PHC2: variants seen among roughly 807,000 people sequenced by gnomAD.
PHC2 encodes the protein polyhomeotic homolog 2.
A neutral mutation model predicts 87.4 loss-of-function variants in PHC2; 29 were observed. The ratio of observed to expected loss-of-function variants is 0.33; its 90% CI spans 0.25 to 0.45. The LOEUF is 0.45. Ranked by LOEUF, PHC2 falls within the 20% of genes least tolerant of loss-of-function variation. PHC2 has a pLI of 1.00. For synonymous variants in PHC2, 438 were observed against 461.7 expected (o/e 0.95, Z 0.66); for missense variants, 857 against 1,136.7 (o/e 0.75, Z 3.54).
intron 7 of PHC2, among the ~76,000 whole-genome samples, chr1:33,357,987 C>G (rs1191463865): frequency 1.3e-5 from 2 of 152,180 alleles, no homozygotes; most frequent in African/African-American, 4.8e-5. Context: ...TACTTGCTGG[C>G]TGTGCGGCCT....
At chr1:33,413,317 A>G (rs1650058773) in intron 1 of PHC2, among the ~76,000 whole-genome samples, 1 of 152,224 alleles carries the variant, frequency 6.6e-6, no homozygotes, top group African/African-American at 2.4e-5. Context: ...GACAACAGAA[A>G]TAATTGGATA....
chr1:33,426,841 A>G lies in PHC2; in HGVS notation c.-55+4135T>C, dbSNP rs117286070. The stretch of plus-strand genomic sequence containing the variant: ...CAGATACCCTCAGGAGGTAGTACAG[A>G]TACCTTCAGGCAGAACTGGGTATAT... On this transcript the variant is annotated intron_variant, in intron 1 of 14. Coordinates refer to ENST00000683057, the MANE Select transcript of PHC2 (RefSeq NM_001385109.1). Among the ~76,000 whole-genome samples the G allele has an allele frequency of 3.3e-5, 5 of 152,310 alleles. No homozygotes were observed. The East Asian group carries it at 9.6e-4, about 29-fold the overall frequency.
At chr1:33,343,487 A>AT (rs1205217484) in intron 9 of PHC2, among the ~76,000 whole-genome samples, 116 of 151,556 alleles carry the variant, frequency 7.7e-4, no homozygotes, top group Admixed American at 1.8e-3. Flanking sequence ...AAAAAAAAAA[A>AT]AAAAGACTCT....
chr1:33,356,275 A>ATATATATATATATATATATATG (rs1222633753), intron 7 of PHC2, among the ~76,000 whole-genome samples: 6 of 102,808 alleles, frequency 5.8e-5, no homozygotes, highest in Admixed American at 3.7e-4. Flanking sequence ...ATATATATAT[A>ATATATATATATATATATATATG]TGTATATATA....
chr1:33,385,070 C>T (rs1343894692), intron 1 of PHC2, among the ~76,000 whole-genome samples: 1 of 151,902 alleles, frequency 6.6e-6, no homozygotes, highest in Non-Finnish European at 1.5e-5. Flanking sequence ...GGGCCTAGGA[C>T]ATGTAAATTT....
rs978050530 is a variant in PHC2 at position 33,364,349 on chromosome 1, C to A, written c.976+2767G>T. Among the ~76,000 whole-genome samples the A allele has an allele frequency of 1.5e-5, 2 of 130,610 alleles. No homozygotes were observed. Among genetic ancestry groups the A allele is most frequent in the Non-Finnish European group, 3.5e-5 (2 of 57,880 alleles). 85.7% of individuals were successfully genotyped at this position (130,610 alleles called of 152,430 possible). On this transcript the variant is annotated intron_variant, in intron 7 of 14. Coordinates refer to ENST00000683057, the MANE Select transcript of PHC2 (RefSeq NM_001385109.1). This position sits in a 1 kb window ranked among gnomAD's most constrained non-coding sequence, Gnocchi z 4.1. ...AAATGTGTGCGCGCTCGCTTGCTTT[C>A]TCTCTCCCAGACACACACACACACA... is the stretch of plus-strand genomic sequence containing the variant.
At chr1:33,402,451 A>G (rs949695339) in intron 1 of PHC2, among the ~76,000 whole-genome samples, 7 of 152,196 alleles carry the variant, frequency 4.6e-5, no homozygotes, top group African/African-American at 1.7e-4. Flanking sequence ...CACCTATCTT[A>G]GAAAAACTCT....
intron 7 of PHC2, chr1:33,359,016 TG>T (rs1424205746): frequency 6.6e-6 from 1 of 152,202 alleles, no homozygotes; most frequent in African/African-American, 2.4e-5. Context: ...CTGTGTGACA[TG>T]GGGTGAGTGA....
chr1:33,430,930 C>G (rs1440121961), intron 1 of PHC2, 46 bp downstream of exon 1: 7 of 151,046 alleles, frequency 4.6e-5, no homozygotes, highest in African/African-American at 1.5e-4. Context: ...CGCGCGCTGC[C>G]CGTCAGCCGC....
rs1359619401 is a variant in PHC2, at chr1:33,370,416, C to T, written c.576+5G>A. ...TGAGCCATGGCCCTGGCCATGGGTA[C>T]TCACCATCTGTGCCCTCAGATACAT... On this transcript the variant is annotated splice_donor_5th_base_variant and intron_variant, in intron 5 of 14. Coordinates refer to ENST00000683057, the MANE Select transcript of PHC2 (RefSeq NM_001385109.1). 1 of 1,612,052 alleles carries T rather than the reference C, an allele frequency of 6.2e-7. No individual in the cohort carries two copies. The highest frequency in any genetic ancestry group is 1.1e-5 in the South Asian group (1 of 90,946).
At chr1:33,365,294 G>A (rs569817052) in intron 7 of PHC2, among the ~76,000 whole-genome samples, 5 of 152,196 alleles carry the variant, frequency 3.3e-5, no homozygotes, top group Admixed American at 6.5e-5. Flanking sequence ...TCCTGTGAGT[G>A]CTGGTCCCGT....
In PHC2 at chr1:33,334,839, AC is replaced by A. The variant is rs1646589244; in HGVS notation, c.1559-548del. On this transcript the variant is annotated intron_variant, in intron 9 of 14. Transcript: ENST00000683057. This position sits in a 1 kb window ranked among gnomAD's most constrained non-coding sequence, Gnocchi z 5.5. Reference sequence around the variant, plus strand: ...GATGCCAAGGGAATGTGGGTGCTGAACCCCAAGTAAAGGCTATCATGTATAT... The same window carrying A: ...GATGCCAAGGGAATGTGGGTGCTGAACCCAAGTAAAGGCTATCATGTATAT... Among the ~76,000 whole-genome samples, 1 of 152,196 alleles carries A rather than the reference AC, an allele frequency of 6.6e-6. No individual in the cohort carries two copies. Among genetic ancestry groups the A allele is most frequent in the Admixed American group, 6.5e-5 (1 of 15,282 alleles).
At position 33,354,395 on chromosome 1, in the gene PHC2, T is replaced by G; in HGVS notation, c.1558+6A>C. On this transcript the variant is annotated splice_donor_region_variant and intron_variant, in intron 9 of 14. Transcript: ENST00000683057. ...CCCTCCCCCAGGGCCCCACTGTGCT[T>G]CATACCGTGAGCTGGGGACGGCTGG... The G allele has an allele frequency of 6.2e-7, 1 of 1,610,740 alleles. No individual in the cohort carries two copies. Among genetic ancestry groups the G allele is most frequent in the Non-Finnish European group, 8.5e-7 (1 of 1,178,506 alleles).
In PHC2 at chr1:33,415,279, A is replaced by G. The variant is rs1488559426; in HGVS notation, c.-55+15697T>C. On this transcript the variant is annotated intron_variant, in intron 1 of 14. Coordinates refer to ENST00000683057, the MANE Select transcript of PHC2 (RefSeq NM_001385109.1). ...CATGCATGATAGGAAACTACTCAAG[A>G]CTACTGGAAGGGAGCAGGCAGAACC... Among the ~76,000 whole-genome samples the G allele has an allele frequency of 6.6e-5, 10 of 152,314 alleles. No individual in the cohort carries two copies. The South Asian group carries it at 1.9e-3, about 28-fold the overall frequency.
At chr1:33,391,009 G>T (rs1055570698) in intron 1 of PHC2, among the ~76,000 whole-genome samples, 1 of 152,180 alleles carries the variant, frequency 6.6e-6, no homozygotes, top group African/African-American at 2.4e-5. Flanking sequence ...GGTGGAATGA[G>T]ATCTTTCTCA....
rs201522289 is a variant in PHC2 at position 33,380,177 on chromosome 1, A to G, written c.-54-4584T>C. On this transcript the variant is annotated intron_variant, in intron 1 of 14. Transcript: ENST00000683057. ...CAATCACTTATGTAAAGGATAGAGA[A>G]GGAAAGTTCAGAATATGACTAGATT... 9.8e-5 allele frequency among the ~76,000 whole-genome samples: 15 copies of G among 152,364 alleles called. No homozygotes were observed. In the East Asian group the frequency reaches 2.3e-3, roughly 23 times the overall value.
chr1:33,327,719 C>T (rs990521276), intron 14 of PHC2, among the ~76,000 whole-genome samples: 1 of 152,226 alleles, frequency 6.6e-6, no homozygotes, highest in Admixed American at 6.5e-5. Context: ...TGAGAACACT[C>T]GAGCAGCCCT....
At chr1:33,342,209 C>T (rs987877392) in intron 9 of PHC2, among the ~76,000 whole-genome samples, 2 of 152,238 alleles carry the variant, frequency 1.3e-5, no homozygotes, top group South Asian at 2.1e-4. Flanking sequence ...TTGCCCTCAG[C>T]GTCACTGCAA....
intron 9 of PHC2, among the ~76,000 whole-genome samples, chr1:33,339,295 C>T (rs1277932090): frequency 6.6e-6 from 1 of 152,144 alleles, no homozygotes; most frequent in Non-Finnish European, 1.5e-5. Flanking sequence ...ATATAGAATA[C>T]AGGGCTGCCT....
Sources: gnomAD v4.1 joint callset for allele counts (sites outside exome capture counted in the v4.1 genomes callset) on GRCh38, gnomAD v4.1.1 for gene constraint, Gnocchi (gnomAD v3.1) non-coding constraint, MANE v1.5 for transcripts, NCBI Gene and HGNC (gene_info 2026-07-23, HGNC 2026-07-21) for gene names.